PIBF1: variants seen among roughly 807,000 people sequenced by gnomAD.
PIBF1 encodes progesterone-induced-blocking factor 1.
PIBF1 carries 90 observed loss-of-function variants against 112.5 expected under a neutral mutation model. The ratio of observed to expected loss-of-function variants is 0.80; its 90% CI spans 0.67 to 0.95. PIBF1 has a LOEUF of 0.95. PIBF1 is among the 40% of genes least tolerant of loss of function. PIBF1 has a pLI of 0.00. For synonymous variants in PIBF1, 301 were observed against 288.6 expected (o/e 1.04, Z -0.44); for missense variants, 915 against 852.3 (o/e 1.07, Z -0.92).
intron 10 of PIBF1, among the ~76,000 whole-genome samples, chr13:72,869,523 G>A (rs1298278045): frequency 1.3e-5 from 2 of 150,804 alleles, no homozygotes; most frequent in African/African-American, 2.4e-5. Flanking sequence ...GCTAAATGAC[G>A]AGTTAATGGG....
chr13:72,894,185 A>G (rs899689767), intron 11 of PIBF1, among the ~76,000 whole-genome samples: 2 of 152,094 alleles, frequency 1.3e-5, no homozygotes, highest in African/African-American at 4.8e-5. Flanking sequence ...CCAAAAATAT[A>G]TAATGACTTG....
At chr13:72,871,094 G>C (rs1191264089) in intron 10 of PIBF1, among the ~76,000 whole-genome samples, 1 of 152,064 alleles carries the variant, frequency 6.6e-6, no homozygotes, top group East Asian at 1.9e-4. Context: ...GGCCTGAATT[G>C]GATGGTGGCA....
chr13:72,802,905 G>A (rs1473305758), intron 5 of PIBF1, among the ~76,000 whole-genome samples: 1 of 152,098 alleles, frequency 6.6e-6, no homozygotes, highest in African/African-American at 2.4e-5. Context: ...AGTGAAATAG[G>A]GAAATTAAGA....
intron 14 of PIBF1, among the ~76,000 whole-genome samples, chr13:72,949,168 C>T (rs1418676265): frequency 6.6e-6 from 1 of 152,026 alleles, no homozygotes; most frequent in Admixed American, 6.6e-5. Context: ...CACATTTTCA[C>T]TAAGTGATTA....
chr13:72,965,957 A>G (rs749192591), intron 15 of PIBF1, among the ~76,000 whole-genome samples: 12 of 152,170 alleles, frequency 7.9e-5, no homozygotes, highest in South Asian at 2.1e-4. Context: ...AAAATTTGCT[A>G]TGACCAGTTT....
chr13:72,894,496 A>G, intron 11 of PIBF1, among the ~76,000 whole-genome samples: 1 of 152,008 alleles, frequency 6.6e-6, no homozygotes, highest in East Asian at 1.9e-4. Flanking sequence ...AGGCAAGAAT[A>G]ATTAAACTGC....
At chr13:72,894,590 G>T (rs899914172) in intron 11 of PIBF1, among the ~76,000 whole-genome samples, 2 of 151,550 alleles carry the variant, frequency 1.3e-5, no homozygotes, top group African/African-American at 4.8e-5. Context: ...CATGGTAAAG[G>T]TCATATTTCA....
intron 6 of PIBF1, among the ~76,000 whole-genome samples, chr13:72,826,383 T>C (rs896632706): frequency 3.9e-5 from 6 of 152,186 alleles, no homozygotes; most frequent in African/African-American, 1.4e-4. Context: ...GGTGGGTCAG[T>C]GAAATAAAGT....
intron 10 of PIBF1, among the ~76,000 whole-genome samples, chr13:72,892,120 A>T (rs1215187142): frequency 1.3e-5 from 2 of 152,152 alleles, no homozygotes; most frequent in African/African-American, 2.4e-5. Context: ...ATTTGTAAAT[A>T]AGCTAAAAAC....
chr13:72,782,451 C>T (rs2034318571), intron 1 of PIBF1, 102 bp downstream of exon 1: 1 of 152,168 alleles, frequency 6.6e-6, no homozygotes, highest in South Asian at 2.1e-4. Flanking sequence ...ATAGGCAGTC[C>T]CCGTCTCGGG....
chr13:72,862,165 A>G (rs761108174), intron 10 of PIBF1, among the ~76,000 whole-genome samples: 65 of 152,238 alleles, frequency 4.3e-4, no homozygotes, highest in Admixed American at 1.8e-3. Context: ...GGAATCTGCA[A>G]TTTAGAAGAA....
chr13:72,878,643 T>G (rs1295994888), intron 10 of PIBF1, among the ~76,000 whole-genome samples: 1 of 152,156 alleles, frequency 6.6e-6, no homozygotes, highest in African/African-American at 2.4e-5. Context: ...TTATAACCTG[T>G]TGATTGGTGG....
In PIBF1 at chr13:72,931,219, A is replaced by G. The variant is rs1594219432; in HGVS notation, c.1785A>G (p.Leu595=). ...LQLEKQNSLI[L]KDLEHRKDQV... ...TAGAAAAACAAAACTCGCTGATTTTAAAAGATCTGGAACATCGAAAGGACC... is the reference window on the plus strand; with the variant it reads ...TAGAAAAACAAAACTCGCTGATTTTGAAAGATCTGGAACATCGAAAGGACC... The change falls in exon 14 of 18, where the codon TTA becomes TTG. Residue 595 remains leucine, a synonymous_variant. Transcript: ENST00000326291. The G allele has an allele frequency of 1.2e-6, 2 of 1,613,284 alleles. No individual in the cohort carries two copies. Among genetic ancestry groups the G allele is most frequent in the East Asian group, 4.5e-5 (2 of 44,756 alleles).
chr13:72,912,414 A>G (rs541915320), intron 12 of PIBF1, among the ~76,000 whole-genome samples: 9 of 152,314 alleles, frequency 5.9e-5, no homozygotes, highest in African/African-American at 2.2e-4. Context: ...ACAAGTAAGC[A>G]TAATAAAAGT....
intron 16 of PIBF1, among the ~76,000 whole-genome samples, chr13:72,991,348 AAAGT>A (rs2043473445): frequency 6.6e-6 from 1 of 152,204 alleles, no homozygotes; most frequent in South Asian, 2.1e-4. Context: ...TCAATTTTGA[AAAGT>A]AATTATTATA....
At chr13:72,849,185 A>G (rs1783660909) in intron 9 of PIBF1, among the ~76,000 whole-genome samples, 2 of 152,248 alleles carry the variant, frequency 1.3e-5, no homozygotes, top group Non-Finnish European at 1.5e-5. Context: ...CTAGGAAACA[A>G]CATGAAAGAA....
At chr13:72,802,655 A>T (rs1004823407) in intron 5 of PIBF1, among the ~76,000 whole-genome samples, 1 of 152,196 alleles carries the variant, frequency 6.6e-6, no homozygotes, top group African/African-American at 2.4e-5. Context: ...AGTGCAAAAG[A>T]GTGTGGATCT....
chr13:72,965,239 T>C (rs757052673), intron 14 of PIBF1, 35 bp from the exon 15 acceptor site: 2 of 1,588,028 alleles, frequency 1.3e-6, no homozygotes, highest in South Asian at 2.3e-5. Flanking sequence ...TGTTGTCACA[T>C]TTTCTAGATT....
chr13:72,818,587 T>C (rs1445259397), intron 5 of PIBF1, among the ~76,000 whole-genome samples: 1 of 151,924 alleles, frequency 6.6e-6, no homozygotes, highest in Admixed American at 6.6e-5. Context: ...AACTTGTCTT[T>C]AACAGAATTT....
Sources: gnomAD v4.1 joint callset for allele counts (sites outside exome capture counted in the v4.1 genomes callset) on GRCh38, gnomAD v4.1.1 for gene constraint, MANE v1.5 for transcripts, NCBI Gene and HGNC (gene_info 2026-07-23, HGNC 2026-07-21) for gene names.